Variants in TMEM178B observed in about 807,000 individuals in gnomAD.
TMEM178B encodes transmembrane protein 178B.
In TMEM178B, 5 loss-of-function variants were observed where a neutral mutation model predicts 31.0. That is an observed-to-expected ratio of 0.16 (90% CI 0.08 to 0.34). The LOEUF is 0.34. Among genes scored for constraint, TMEM178B ranks in the 10% least tolerant of loss-of-function variants. The pLI is 1.00. For missense variants in TMEM178B, 275 were observed against 400.3 expected (o/e 0.69, Z 2.67); for synonymous variants, 164 against 164.0 (o/e 1.00, Z 0.00).
At chr7:141,406,752 T>G (rs11764687) in intron 2 of TMEM178B, among the ~76,000 whole-genome samples, 13,630 of 152,260 alleles carry the variant, frequency 0.09, 703 homozygotes, top group African/African-American at 0.12. Flanking sequence ...TGTTTTATAA[T>G]GCTAGACCTT....
intron 2 of TMEM178B, among the ~76,000 whole-genome samples, chr7:141,307,357 A>C (rs1319322829): frequency 1.3e-5 from 2 of 152,228 alleles, no homozygotes; most frequent in Non-Finnish European, 2.9e-5. Flanking sequence ...TATTTTAGCA[A>C]TCTGTGAAGG....
At chr7:141,210,874 G>A (rs1416378211) in intron 1 of TMEM178B, among the ~76,000 whole-genome samples, 2 of 152,170 alleles carry the variant, frequency 1.3e-5, no homozygotes, top group Admixed American at 1.3e-4. Context: ...GGACTCCAGG[G>A]ACATTTCTGA....
At chr7:141,160,072 T>C (rs1022169444) in intron 1 of TMEM178B, among the ~76,000 whole-genome samples, 1 of 147,652 alleles carries the variant, frequency 6.8e-6, no homozygotes, top group African/African-American at 2.5e-5. Context: ...ATATATAATT[T>C]CAATTGTTTT....
At chr7:141,280,023 A>G (rs1453064532) in intron 2 of TMEM178B, among the ~76,000 whole-genome samples, 1 of 152,244 alleles carries the variant, frequency 6.6e-6, no homozygotes, top group Non-Finnish European at 1.5e-5. Flanking sequence ...GGGCAAGGGT[A>G]GGGTAAGTGG....
chr7:141,496,456 G>A, the TMEM178B span, among the ~76,000 whole-genome samples: 1 of 151,942 alleles, frequency 6.6e-6, no homozygotes, highest in Non-Finnish European at 1.5e-5. Flanking sequence ...GGATCACGAG[G>A]TCAGGAGATC....
At chr7:141,191,206 T>C (rs1446724084) in intron 1 of TMEM178B, among the ~76,000 whole-genome samples, 1 of 152,240 alleles carries the variant, frequency 6.6e-6, no homozygotes, top group Admixed American at 6.5e-5. Flanking sequence ...GTCTTGTCTA[T>C]TTTTAAGTGG....
intron 2 of TMEM178B, among the ~76,000 whole-genome samples, chr7:141,245,283 C>T (rs1356983212): frequency 2.1e-5 from 3 of 142,936 alleles, no homozygotes; most frequent in African/African-American, 5.2e-5. Flanking sequence ...GAGAAGGTTT[C>T]GCAGTGTGGG....
chr7:141,204,804 G>A (rs762825744), intron 1 of TMEM178B, among the ~76,000 whole-genome samples: 2 of 152,164 alleles, frequency 1.3e-5, no homozygotes, highest in African/African-American at 2.4e-5. Context: ...CTGTGCGAAT[G>A]TAAACAAAAG....
chr7:141,406,947 G>A (rs1279250605), intron 2 of TMEM178B, among the ~76,000 whole-genome samples: 1 of 152,174 alleles, frequency 6.6e-6, no homozygotes, highest in Non-Finnish European at 1.5e-5. Flanking sequence ...GGGGAAAAAA[G>A]TATCTTAAAT....
At chr7:141,123,043 G>A (rs1170046732) in intron 1 of TMEM178B, among the ~76,000 whole-genome samples, 3 of 152,210 alleles carry the variant, frequency 2.0e-5, no homozygotes, top group Non-Finnish European at 2.9e-5. Context: ...ACATTCTGAG[G>A]CTGCTTCTGC....
Position 141,339,587 on chromosome 7 carries a change from A to G in TMEM178B, c.497-98021A>G, listed in dbSNP as rs559636046. Among the ~76,000 whole-genome samples, 120 of 152,380 alleles carry G rather than the reference A, an allele frequency of 7.9e-4. 1 individual carries two copies. Among genetic ancestry groups the G allele is most frequent in the Non-Finnish European group, 1.6e-3 (108 of 68,046 alleles). Reference sequence around the variant, plus strand: ...GGAGTTCATAAAGTGGAAGGTGCAAATATAAAATGGAATAGAAAAATGAGG... The same window carrying G: ...GGAGTTCATAAAGTGGAAGGTGCAAGTATAAAATGGAATAGAAAAATGAGG... On this transcript the variant is annotated intron_variant, in intron 2 of 3. Transcript: ENST00000565468.
intron 2 of TMEM178B, among the ~76,000 whole-genome samples, chr7:141,351,273 A>G (rs116319986): frequency 0.025 from 3,750 of 152,358 alleles, 134 homozygotes; most frequent in African/African-American, 0.08. Context: ...TGGCAGTGTG[A>G]TCTGGGCTCA....
At chr7:141,325,875 G>A (rs1443895505) in intron 2 of TMEM178B, among the ~76,000 whole-genome samples, 1 of 152,130 alleles carries the variant, frequency 6.6e-6, no homozygotes, top group African/African-American at 2.4e-5. Context: ...AGACAGAAAT[G>A]TAAAGACCTT....
chr7:141,127,957 G>A (rs962263343), intron 1 of TMEM178B, among the ~76,000 whole-genome samples: 1 of 152,132 alleles, frequency 6.6e-6, no homozygotes, highest in African/African-American at 2.4e-5. Context: ...CTCTGAGCAG[G>A]CCCAACGCGA....
intron 2 of TMEM178B, among the ~76,000 whole-genome samples, chr7:141,310,712 T>C (rs1798894305): frequency 6.6e-6 from 1 of 152,152 alleles, no homozygotes; most frequent in African/African-American, 2.4e-5. Context: ...GGAATGTAAA[T>C]TAGTTCAACC....
chr7:141,235,293 G>C (rs185845754), intron 2 of TMEM178B, among the ~76,000 whole-genome samples: 1 of 152,278 alleles, frequency 6.6e-6, no homozygotes, highest in Admixed American at 6.5e-5. Flanking sequence ...CTTGCTTGAA[G>C]AATCATTTCT....
chr7:141,164,760 G>C (rs1038799395), intron 1 of TMEM178B, among the ~76,000 whole-genome samples: 4 of 152,132 alleles, frequency 2.6e-5, no homozygotes, highest in African/African-American at 9.7e-5. Context: ...TTTGCAACTA[G>C]GAGTTCAGGG....
chr7:141,105,705 A>G (rs1795133093), intron 1 of TMEM178B, among the ~76,000 whole-genome samples: 1 of 152,222 alleles, frequency 6.6e-6, no homozygotes, highest in South Asian at 2.1e-4. Context: ...GCTCTAGAAC[A>G]AAGTGTTTGG....
chr7:141,159,384 G>C (rs1403935941), intron 1 of TMEM178B, among the ~76,000 whole-genome samples: 1 of 152,138 alleles, frequency 6.6e-6, no homozygotes, highest in African/African-American at 2.4e-5. Context: ...CTGGAAAACA[G>C]TATGGTAGCT....
Sources: gnomAD v4.1 joint callset for allele counts (sites outside exome capture counted in the v4.1 genomes callset) on GRCh38, gnomAD v4.1.1 for gene constraint, MANE v1.5 for transcripts, NCBI Gene and HGNC (gene_info 2026-07-23, HGNC 2026-07-21) for gene names.